The following IHO1 variants were observed in gnomAD, a reference collection of about 807,000 sequenced individuals.
IHO1 encodes interactor of HORMAD1 protein 1.
Under a neutral mutation model 31.0 loss-of-function variants are expected in IHO1, and 13 were observed. That is an observed-to-expected ratio of 0.42 (90% CI 0.27 to 0.67). The LOEUF (loss-of-function observed/expected upper bound fraction) is 0.67, where lower values mean the gene tolerates loss of function less well. Among genes scored for constraint, IHO1 ranks in the 30% least tolerant of loss-of-function variants. The pLI is 0.24. For missense variants in IHO1, 599 were observed against 687.5 expected (o/e 0.87, Z 1.44); for synonymous variants, 221 against 248.4 (o/e 0.89, Z 1.04).
upstream of IHO1, among the ~76,000 whole-genome samples, chr3:49,198,234 C>G (rs1482156006): frequency 6.6e-6 from 1 of 152,204 alleles, no homozygotes; most frequent in African/African-American, 2.4e-5. Flanking sequence ...TTCATCCTCA[C>G]TACATCACTG....
At chr3:49,245,998 A>G (rs886131405) in intron 6 of IHO1, among the ~76,000 whole-genome samples, 3 of 151,634 alleles carry the variant, frequency 2.0e-5, no homozygotes, top group Admixed American at 6.6e-5. Context: ...CCTGTCTAAT[A>G]TGGTGAAACC....
At chr3:49,221,710 G>T (rs1258069387) in intron 2 of IHO1, among the ~76,000 whole-genome samples, 2 of 152,198 alleles carry the variant, frequency 1.3e-5, no homozygotes, top group South Asian at 2.1e-4. Flanking sequence ...CTCATTTGGG[G>T]TTCCATTTGT....
At chr3:49,222,695 G>A (rs1335868583) in intron 2 of IHO1, among the ~76,000 whole-genome samples, 1 of 152,080 alleles carries the variant, frequency 6.6e-6, no homozygotes, top group African/African-American at 2.4e-5. Flanking sequence ...AGGAGGAAAG[G>A]GTTTTTCCTC....
rs925574001 is a variant in IHO1 at position 49,203,372 on chromosome 3, A to G, written c.-16+3799A>G. On this transcript the variant is annotated intron_variant, in intron 1 of 7. Transcript: ENST00000452691. ...ATGGGAATGGTGGAGGGCTATGGGG[A>G]GATTACAGATGCCCCTGTAGGTAAT... Among the ~76,000 whole-genome samples the G allele has an allele frequency of 3.9e-5, 6 of 152,168 alleles. No homozygotes were observed. The South Asian group carries it at 1.2e-3, about 32-fold the overall frequency.
chr3:49,211,722 T>A (rs1372805053), intron 1 of IHO1, 44 bp from the exon 2 acceptor site: 4 of 954,352 alleles, frequency 4.2e-6, no homozygotes, highest in East Asian at 2.5e-5. Context: ...TTGGAAAAAA[T>A]TATACTGTTA....
At chr3:49,203,817 T>A (rs1315690335) in intron 1 of IHO1, among the ~76,000 whole-genome samples, 4 of 152,122 alleles carry the variant, frequency 2.6e-5, no homozygotes, top group African/African-American at 9.7e-5. Context: ...ACAGATTGGA[T>A]GTGAGACTAA....
In IHO1 at chr3:49,227,434, C is replaced by A. The variant is rs116068019; in HGVS notation, c.57-9114C>A. On this transcript the variant is annotated intron_variant, in intron 2 of 7. Transcript: ENST00000452691. ...TGTTTCTACCCCCAGTCCAAGAACCCCCAATGGTCCCTGGACCCTGCTGAT... is the reference window on the plus strand; with the variant it reads ...TGTTTCTACCCCCAGTCCAAGAACCACCAATGGTCCCTGGACCCTGCTGAT... Among the ~76,000 whole-genome samples the A allele has an allele frequency of 1.8e-3, 274 of 152,168 alleles. 1 individual carries two copies. Among genetic ancestry groups the A allele is most frequent in the Non-Finnish European group, 3.4e-3 (232 of 68,000 alleles).
intron 2 of IHO1, among the ~76,000 whole-genome samples, chr3:49,215,753 G>A (rs566639047): frequency 2.6e-5 from 4 of 152,318 alleles, no homozygotes; most frequent in Admixed American, 2.0e-4. Context: ...ACAAGAACTA[G>A]GGAGGGGCAA....
chr3:49,222,210 G>T (rs2046362196), intron 2 of IHO1, among the ~76,000 whole-genome samples: 1 of 152,206 alleles, frequency 6.6e-6, no homozygotes, highest in Non-Finnish European at 1.5e-5. Flanking sequence ...AACCCTATAA[G>T]TAGGGGTATT....
intron 2 of IHO1, among the ~76,000 whole-genome samples, chr3:49,220,327 G>A (rs1000242397): frequency 2.0e-5 from 3 of 152,198 alleles, no homozygotes; most frequent in African/African-American, 7.2e-5. Flanking sequence ...ACCACAGCTG[G>A]TAGTGCCGCA....
chr3:49,207,859 C>T (rs1279600310), intron 1 of IHO1, among the ~76,000 whole-genome samples: 7 of 151,672 alleles, frequency 4.6e-5, no homozygotes, highest in South Asian at 2.1e-4. Flanking sequence ...CTGCAAGCTC[C>T]GCTTCGTGGG....
chr3:49,231,531 T>C (rs1412256324), intron 2 of IHO1, among the ~76,000 whole-genome samples: 1 of 152,238 alleles, frequency 6.6e-6, no homozygotes, highest in East Asian at 1.9e-4. Context: ...GTTTTTGATA[T>C]GCCTATTAAT....
chr3:49,214,607 C>CATATATATATATATATATATAT (rs1311032715), intron 2 of IHO1, among the ~76,000 whole-genome samples: 2 of 24,788 alleles, frequency 8.1e-5, no homozygotes, highest in African/African-American at 1.5e-4. Context: ...ATTTCTAGAT[C>CATATATATATATATATATATAT]ATATATATAT....
chr3:49,216,183 A>G (rs1007954989), intron 2 of IHO1, among the ~76,000 whole-genome samples: 3 of 152,222 alleles, frequency 2.0e-5, no homozygotes, highest in South Asian at 2.1e-4. Context: ...AACAGGGACC[A>G]GTTTGTGGAA....
Position 49,243,288 on chromosome 3 carries a change from G to A in IHO1, c.396-1116G>A, listed in dbSNP as rs147578976. ...CTCCCAAGTAGCTGGGACCACAGGC[G>A]CGTGACACCATGCCCAGCTAATATT... On this transcript the variant is annotated intron_variant, in intron 4 of 7. Transcript: ENST00000452691. Among the ~76,000 whole-genome samples the A allele has an allele frequency of 2.0e-3, 302 of 152,092 alleles. 2 individuals carry two copies. The highest frequency in any genetic ancestry group is 6.8e-3 in the African/African-American group (283 of 41,522).
intron 3 of IHO1, among the ~76,000 whole-genome samples, chr3:49,239,508 C>G (rs895474964): frequency 6.6e-6 from 1 of 151,690 alleles, no homozygotes; most frequent in African/African-American, 2.4e-5. Context: ...TCTCAATCTC[C>G]TGACCTCATG....
In IHO1 at chr3:49,256,124, C is replaced by T; in HGVS notation, c.637-10C>T. The T allele has an allele frequency of 6.3e-7, 1 of 1,592,608 alleles. No individual in the cohort carries two copies. Among genetic ancestry groups the T allele is most frequent in the Non-Finnish European group, 8.5e-7 (1 of 1,169,908 alleles). On this transcript the variant is annotated splice_polypyrimidine_tract_variant and intron_variant, in intron 7 of 7. Transcript: ENST00000452691. This position sits in a 1 kb window ranked among gnomAD's most constrained non-coding sequence, Gnocchi z 4.6. ...TCCATCACTGTCTTTCTCACTGCCTCTCTCCCCAGAGACAAGGAGAGTTTA... is the reference window on the plus strand; with the variant it reads ...TCCATCACTGTCTTTCTCACTGCCTTTCTCCCCAGAGACAAGGAGAGTTTA...
At chr3:49,240,727 G>A (rs1191924750) in intron 3 of IHO1, among the ~76,000 whole-genome samples, 1 of 152,142 alleles carries the variant, frequency 6.6e-6, no homozygotes, top group Non-Finnish European at 1.5e-5. Flanking sequence ...TTGGTATCTA[G>A]TGATATGAAG....
chr3:49,244,368 A>C (rs1444661809), intron 4 of IHO1, 36 bp from the exon 5 acceptor site: 2 of 1,268,704 alleles, frequency 1.6e-6, no homozygotes, highest in Admixed American at 3.5e-5. Context: ...TCAATATTTC[A>C]TAAAGATTTG....
Sources: allele counts gnomAD v4.1 joint callset (sites outside exome capture counted in the v4.1 genomes callset), GRCh38; gene constraint gnomAD v4.1.1; non-coding constraint Gnocchi (gnomAD v3.1); transcripts MANE v1.5; gene names NCBI Gene and HGNC (gene_info 2026-07-23, HGNC 2026-07-21).